Variants in BCR observed in about 807,000 individuals in gnomAD.
BCR encodes breakpoint cluster region protein.
Under a neutral mutation model 138.6 loss-of-function variants are expected in BCR, and 58 were observed. That is an observed-to-expected ratio of 0.42 (90% CI 0.34 to 0.52). The LOEUF is 0.52. Ranked by LOEUF, BCR falls within the 20% of genes least tolerant of loss-of-function variation. BCR has a pLI of 0.06. For synonymous variants in BCR, 786 were observed against 730.1 expected (o/e 1.08, Z -1.23); for missense variants, 1,599 against 1,727.2 (o/e 0.93, Z 1.32).
At chr22:23,212,951 C>T (rs772266978) in intron 1 of BCR, among the ~76,000 whole-genome samples, 12 of 152,234 alleles carry the variant, frequency 7.9e-5, no homozygotes, top group Non-Finnish European at 1.5e-4. Context: ...GCAGCTTTAA[C>T]TTGATTCCTG....
rs115526506 is a variant in BCR at position 23,209,921 on chromosome 22, C to T, written c.1279+27682C>T. Among the ~76,000 whole-genome samples the T allele has an allele frequency of 9.3e-3, 1,420 of 152,274 alleles. 17 individuals carry two copies. Among genetic ancestry groups the T allele is most frequent in the African/African-American group, 0.032 (1,339 of 41,556 alleles). On this transcript the variant is annotated intron_variant, in intron 1 of 22. Coordinates refer to ENST00000305877, the MANE Select transcript of BCR (RefSeq NM_004327.4). ...CTGTGATTACAGACATGCACCACTG[C>T]GCCCCTACTCAATGGTATTTTTCAC...
intron 16 of BCR, among the ~76,000 whole-genome samples, chr22:23,305,188 G>C (rs541966327): frequency 4.0e-5 from 6 of 151,854 alleles, no homozygotes; most frequent in African/African-American, 1.4e-4. Context: ...CAGGAGGCCT[G>C]TAATCTCTCT....
At chr22:23,186,254 A>C (rs529408666) in intron 1 of BCR, among the ~76,000 whole-genome samples, 1 of 152,366 alleles carries the variant, frequency 6.6e-6, no homozygotes, top group African/African-American at 2.4e-5. Context: ...TTGTGATTCT[A>C]GGCTGTGTGC....
chr22:23,315,640 C>T lies in BCR; in HGVS notation c.*118C>T, dbSNP rs2074063146. The stretch of plus-strand genomic sequence containing the variant: ...CTTGGGCCACCCCCAAGTGTTGGGC[C>T]ATCTGCCAAGAGACAGCGACCCAAA... On this transcript the variant is annotated 3_prime_UTR_variant, in exon 23 of 23. Coordinates refer to ENST00000305877, the MANE Select transcript of BCR (RefSeq NM_004327.4). 1.0e-6 allele frequency: 1 copy of T among 975,288 alleles called. No homozygotes were observed. Among genetic ancestry groups the T allele is most frequent in the Non-Finnish European group, 1.6e-6 (1 of 622,884 alleles). The allele number at this position is 975,288 out of a possible 1,614,324, so 60.4% of individuals were successfully genotyped here. A position where few individuals can be genotyped will look rare whatever the true frequency, so the allele number is the denominator to read the frequency against.
At chr22:23,207,450 G>C (rs6003553) in intron 1 of BCR, among the ~76,000 whole-genome samples, 11,466 of 151,718 alleles carry the variant, frequency 0.076, 1,463 homozygotes, top group African/African-American at 0.26. Context: ...ATAGCAAGAC[G>C]CTGTCTTTAC....
intron 1 of BCR, among the ~76,000 whole-genome samples, chr22:23,206,932 T>G (rs2072621866): frequency 1.4e-5 from 1 of 69,134 alleles, no homozygotes; most frequent in Admixed American, 1.6e-4. Context: ...CCCTCTGTCA[T>G]CCATTCATTC....
At chr22:23,238,965 T>C (rs2073057660) in intron 1 of BCR, among the ~76,000 whole-genome samples, 1 of 152,124 alleles carries the variant, frequency 6.6e-6, no homozygotes, top group Non-Finnish European at 1.5e-5. Flanking sequence ...GCCATTTCCT[T>C]CTTTTTCTCA....
At chr22:23,268,329 T>TCTTCAG in intron 4 of BCR, 79 bp from the exon 5 acceptor site, 1 of 1,178,722 alleles carries the variant, frequency 8.5e-7, no homozygotes. Context: ...TCTGCAGAGC[T>TCTTCAG]GTGCACGGGA....
chr22:23,181,568 T>C lies in BCR; in HGVS notation c.608T>C (p.Leu203Pro), dbSNP rs777790473. Reference sequence around the variant, plus strand: ...GAGGTGTCGGACCGCATCAGCTCCCTGGGCAGCCAGGCCATGCAGATGGAG... The same window carrying C: ...GAGGTGTCGGACCGCATCAGCTCCCCGGGCAGCCAGGCCATGCAGATGGAG... ...DKEVSDRISSLGSQAMQMERK... is the reference protein window; with the variant it reads ...DKEVSDRISSPGSQAMQMERK... The change falls in exon 1 of 23, where the codon CTG becomes CCG. Residue 203 changes from leucine (L) to proline (P), a missense_variant. Leu to Pro is a moderately conservative substitution (Grantham distance 98). Transcript: ENST00000305877. The C allele has an allele frequency of 6.2e-7, 1 of 1,612,930 alleles. No individual in the cohort carries two copies. Among genetic ancestry groups the C allele is most frequent in the South Asian group, 1.1e-5 (1 of 91,088 alleles).
rs748613620 is a variant in BCR at position 23,181,602 on chromosome 22, G to C, written c.642G>C (p.Lys214Asn). The C allele has an allele frequency of 6.2e-7, 1 of 1,612,380 alleles. No individual in the cohort carries two copies. The highest frequency in any genetic ancestry group is 1.3e-5 in the African/African-American group (1 of 74,948). ...GSQAMQMERK[K>N]SQHGAGSSVG... ...AGGCCATGCAGATGGAGCGCAAAAA[G>C]TCCCAGCACGGCGCGGGCTCGAGCG... is the stretch of plus-strand genomic sequence containing the variant. The change falls in exon 1 of 23, where the codon AAG (lysine) becomes AAC (asparagine). Residue 214 changes from lysine to asparagine, a missense_variant. Transcript: ENST00000305877.
intron 14 of BCR, chr22:23,290,750 G>T: frequency 3.0e-6 from 1 of 331,712 alleles, no homozygotes; most frequent in Non-Finnish European, 5.8e-6. Flanking sequence ...CAAGCCAGGA[G>T]GGCTGTCAGC....
chr22:23,311,970 T>C, intron 19 of BCR, 134 bp downstream of exon 19: 1 of 1,437,348 alleles, frequency 7.0e-7, no homozygotes, highest in Non-Finnish European at 9.2e-7. Flanking sequence ...GTTATTATTT[T>C]TAAAAAAGAG....
intron 12 of BCR, among the ~76,000 whole-genome samples, chr22:23,288,492 CT>C (rs1197791965): frequency 1.3e-5 from 2 of 151,888 alleles, no homozygotes; most frequent in African/African-American, 4.8e-5. Flanking sequence ...CCATCTCCCC[CT>C]AGTCTGCTGC....
At chr22:23,313,760 TG>T (rs1400713344) in intron 20 of BCR, among the ~76,000 whole-genome samples, 1 of 152,130 alleles carries the variant, frequency 6.6e-6, no homozygotes, top group Non-Finnish European at 1.5e-5. Flanking sequence ...TGCTGACCCC[TG>T]CGAGGTAGAG....
intron 15 of BCR, 64 bp from the exon 16 acceptor site, chr22:23,294,960 C>A (rs2073828898): frequency 6.3e-7 from 1 of 1,581,394 alleles, no homozygotes; most frequent in Admixed American, 1.7e-5. Flanking sequence ...GTTCAGAGGA[C>A]CCTTCAGCCA....
Position 23,181,700 on chromosome 22 carries a change from A to G in BCR, c.740A>G (p.Glu247Gly). Residue 247 changes from glutamate (E) to glycine (G), a missense_variant, in exon 1 of 23, where the codon GAG becomes GGG. Glu to Gly is a moderately conservative substitution (Grantham distance 98). This residue lies in a region of BCR where 806 missense variants were observed against 635.0 expected (regional missense o/e 1.27). Coordinates refer to ENST00000305877, the MANE Select transcript of BCR (RefSeq NM_004327.4). ...ESSCGVDGDY[E>G]DAELNPRFLK... ...AGCTGCGGCGTCGACGGCGACTACG[A>G]GGACGCCGAGTTGAACCCCCGCTTC... The G allele has an allele frequency of 6.2e-7, 1 of 1,604,572 alleles. No individual in the cohort carries two copies. The highest frequency in any genetic ancestry group is 8.5e-7 in the Non-Finnish European group (1 of 1,179,898).
chr22:23,289,722 G>A (rs779080309), intron 13 of BCR, 101 bp downstream of exon 13: 13 of 981,902 alleles, frequency 1.3e-5, no homozygotes, highest in Non-Finnish European at 1.9e-5. Flanking sequence ...GATGGGACTA[G>A]TGGACTTTGG....
intron 1 of BCR, among the ~76,000 whole-genome samples, chr22:23,209,692 C>T (rs760237061): frequency 3.9e-5 from 6 of 152,056 alleles, no homozygotes; most frequent in African/African-American, 1.4e-4. Context: ...TACAGGCACC[C>T]GCCACCACAC....
chr22:23,280,474 CTG>C (rs2073630955), intron 8 of BCR, among the ~76,000 whole-genome samples: 1 of 152,232 alleles, frequency 6.6e-6, no homozygotes, highest in South Asian at 2.1e-4. Flanking sequence ...GAAGCTGTGA[CTG>C]TCACATTCCC....
Sources: gnomAD v4.1 joint callset for allele counts (sites outside exome capture counted in the v4.1 genomes callset) on GRCh38, gnomAD v4.1.1 for gene constraint, gnomAD v4.1.1 regional missense constraint, MANE v1.5 for transcripts, NCBI Gene and HGNC (gene_info 2026-07-23, HGNC 2026-07-21) for gene names.